Variants in PARD3B observed in about 807,000 individuals in gnomAD.
The protein encoded by PARD3B is partitioning defective 3 homolog B.
PARD3B carries 103 observed loss-of-function variants against 130.2 expected under a neutral mutation model. The ratio of observed to expected loss-of-function variants is 0.79; its 90% CI spans 0.67 to 0.93. The LOEUF is 0.93. Ranked by LOEUF, PARD3B falls within the 40% of genes least tolerant of loss-of-function variation. The pLI is 0.00. For synonymous variants in PARD3B, 583 were observed against 553.2 expected, an observed-to-expected ratio of 1.05 and a Z score of -0.76; for missense variants, 1,609 against 1,499.2, an observed-to-expected ratio of 1.07 and a Z score of -1.21.
At position 205,244,990 on chromosome 2, in the gene PARD3B, TC is replaced by T. The variant is rs1409455791; in HGVS notation, c.2141-787del. On this transcript the variant is annotated intron_variant, in intron 15 of 22. Coordinates refer to ENST00000406610, the MANE Select transcript of PARD3B (RefSeq NM_001302769.2). The surrounding 1 kb of genome is among the most constrained non-coding windows in gnomAD (Gnocchi z 4.7). The stretch of plus-strand genomic sequence containing the variant: ...GGTTAATTTTCTTACACACATATGA[TC>T]ATCAGTATTCAACTACATATATGAG... Among the ~76,000 whole-genome samples, 1 of 152,224 alleles carries T rather than the reference TC, an allele frequency of 6.6e-6. No homozygotes were observed. Among genetic ancestry groups the T allele is most frequent in the African/African-American group, 2.4e-5 (1 of 41,460 alleles).
At chr2:205,508,338 C>T (rs146495955) in intron 21 of PARD3B, among the ~76,000 whole-genome samples, 459 of 152,122 alleles carry the variant, frequency 3.0e-3, no homozygotes, top group African/African-American at 9.4e-3. Context: ...TTTGGGAGGC[C>T]GAGATGAGAG....
intron 18 of PARD3B, among the ~76,000 whole-genome samples, chr2:205,346,172 A>AAAATAAAT (rs57934121): frequency 1.7e-4 from 22 of 132,308 alleles, no homozygotes; most frequent in East Asian, 4.7e-4. Flanking sequence ...ACTCCGTCTC[A>AAAATAAAT]AAATAAATAA....
Position 204,686,253 on chromosome 2 carries a change from T to C in PARD3B, c.193T>C (p.Leu65=). ...DGGILDPDDV[L]ADVVEDKDKL... ...AGGAATCCTGGATCCAGATGATGTCTTGGCAGATGTTGTTGAAGATAAAGA... is the reference window on the plus strand; with the variant it reads ...AGGAATCCTGGATCCAGATGATGTCCTGGCAGATGTTGTTGAAGATAAAGA... The change falls in exon 2 of 23, where the codon TTG becomes CTG. Residue 65 remains leucine, a synonymous_variant. Transcript: ENST00000406610. 6.2e-7 allele frequency: 1 copy of C among 1,611,912 alleles called. No individual in the cohort carries two copies. Among genetic ancestry groups the C allele is most frequent in the Admixed American group, 1.7e-5 (1 of 59,972 alleles).
intron 1 of PARD3B, among the ~76,000 whole-genome samples, chr2:204,602,583 G>A (rs1384587570): frequency 2.6e-5 from 4 of 151,830 alleles, no homozygotes; most frequent in South Asian, 2.1e-4. Flanking sequence ...ATTATGGCCC[G>A]TTACCTTTTT....
intron 4 of PARD3B, among the ~76,000 whole-genome samples, chr2:205,098,849 G>A (rs2125558887): frequency 6.6e-6 from 1 of 152,230 alleles, no homozygotes; most frequent in East Asian, 1.9e-4. Flanking sequence ...TTATAGAAGT[G>A]TTGATTTTAA....
intron 3 of PARD3B, among the ~76,000 whole-genome samples, chr2:205,008,496 T>C (rs1465035662): frequency 6.6e-6 from 1 of 152,164 alleles, no homozygotes; most frequent in African/African-American, 2.4e-5. Flanking sequence ...ACCTTTGACA[T>C]TAATATAATA....
chr2:205,491,834 C>T (rs1339907313), intron 20 of PARD3B, among the ~76,000 whole-genome samples: 4 of 152,126 alleles, frequency 2.6e-5, no homozygotes, highest in South Asian at 2.1e-4. Flanking sequence ...ATGGTGAGGT[C>T]GGGAGCCCAG....
intron 15 of PARD3B, among the ~76,000 whole-genome samples, chr2:205,194,950 A>ATTTTTTTTTTTTTT (rs56836818): frequency 7.2e-5 from 8 of 111,212 alleles, no homozygotes; most frequent in African/African-American, 1.1e-4. Context: ...CGCCAGGCTA[A>ATTTTTTTTTTTTTT]TTTTTTTTTT....
intron 4 of PARD3B, among the ~76,000 whole-genome samples, chr2:205,073,036 C>T (rs1463970200): frequency 1.3e-5 from 2 of 152,060 alleles, no homozygotes; most frequent in African/African-American, 4.8e-5. Context: ...ATCTTTTAAA[C>T]ATTTAAACGG....
At chr2:204,944,316 T>C (rs1689143145) in intron 2 of PARD3B, among the ~76,000 whole-genome samples, 1 of 152,130 alleles carries the variant, frequency 6.6e-6, no homozygotes, top group Non-Finnish European at 1.5e-5. Context: ...CTGTAGAGGG[T>C]AGGAGATGAC....
intron 22 of PARD3B, among the ~76,000 whole-genome samples, chr2:205,570,342 T>A (rs2053516454): frequency 2.0e-5 from 3 of 152,218 alleles, no homozygotes; most frequent in Admixed American, 6.5e-5. Flanking sequence ...GGTCATTTTT[T>A]AAATCCTCAC....
intron 5 of PARD3B, among the ~76,000 whole-genome samples, chr2:205,106,214 C>A (rs1000631221): frequency 6.6e-6 from 1 of 151,956 alleles, no homozygotes; most frequent in African/African-American, 2.4e-5. Flanking sequence ...ATGGCGTGAT[C>A]TCGGCTCACC....
At chr2:205,573,306 A>C (rs377459244) in intron 22 of PARD3B, among the ~76,000 whole-genome samples, 4 of 152,172 alleles carry the variant, frequency 2.6e-5, no homozygotes, top group South Asian at 4.1e-4. Flanking sequence ...AGATGTGGGC[A>C]TCAAGAGAAA....
intron 1 of PARD3B, among the ~76,000 whole-genome samples, chr2:204,626,331 A>G (rs778577226): frequency 3.9e-5 from 6 of 152,186 alleles, no homozygotes; most frequent in Non-Finnish European, 5.9e-5. Context: ...ATACTCAGCT[A>G]TGAATTCCTT....
chr2:204,951,650 T>G (rs1221367668), intron 2 of PARD3B, among the ~76,000 whole-genome samples: 1 of 152,202 alleles, frequency 6.6e-6, no homozygotes, highest in East Asian at 1.9e-4. Flanking sequence ...GTTACCTACA[T>G]GTAAATAAAA....
intron 2 of PARD3B, among the ~76,000 whole-genome samples, chr2:204,742,243 CGTATAT>C (rs1559107388): frequency 6.6e-6 from 1 of 152,008 alleles, no homozygotes; most frequent in African/African-American, 2.4e-5. Context: ...TAACATTATA[CGTATAT>C]GTATATGTAC....
At chr2:205,538,472 TACACACACAC>T (rs71410824) in intron 21 of PARD3B, among the ~76,000 whole-genome samples, 2 of 150,736 alleles carry the variant, frequency 1.3e-5, no homozygotes, top group African/African-American at 4.9e-5. Context: ...CACGTGTGTG[TACACACACAC>T]ACACACACAC....
At chr2:204,590,221 G>A (rs2125092762) in intron 1 of PARD3B, among the ~76,000 whole-genome samples, 1 of 152,206 alleles carries the variant, frequency 6.6e-6, no homozygotes, top group Non-Finnish European at 1.5e-5. Flanking sequence ...CAGACAATGA[G>A]GAAGGTAGCT....
chr2:204,762,761 C>CTTTTTTTTTTTT (rs5837937), intron 2 of PARD3B, among the ~76,000 whole-genome samples: 2 of 32,620 alleles, frequency 6.1e-5, no homozygotes, highest in Non-Finnish European at 1.6e-4. Context: ...TTTTCTTTTT[C>CTTTTTTTTTTTT]TTTTTTTTTT....
Sources: gnomAD v4.1 joint callset for allele counts (sites outside exome capture counted in the v4.1 genomes callset) on GRCh38, gnomAD v4.1.1 for gene constraint, Gnocchi (gnomAD v3.1) non-coding constraint, MANE v1.5 for transcripts, NCBI Gene and HGNC (gene_info 2026-07-23, HGNC 2026-07-21) for gene names.